FNDC3A: variants seen among roughly 807,000 people sequenced by gnomAD.
FNDC3A encodes the protein fibronectin type III domain containing 3A.
A neutral mutation model predicts 148.9 loss-of-function variants in FNDC3A; 32 were observed. The observed-to-expected ratio is 0.21, with a 90% CI of 0.16 to 0.29. The LOEUF (loss-of-function observed/expected upper bound fraction) is 0.29. FNDC3A is among the 10% of genes least tolerant of loss of function. The pLI, the probability that FNDC3A is intolerant of heterozygous loss-of-function variation, is 1.00. For synonymous variants in FNDC3A, 472 were observed against 473.6 expected (o/e 1.00, Z 0.04); for missense variants, 1,191 against 1,452.8 (o/e 0.82, Z 2.93).
intron 7 of FNDC3A, among the ~76,000 whole-genome samples, chr13:49,145,125 G>A (rs1350122218): frequency 6.6e-6 from 1 of 151,952 alleles, no homozygotes; most frequent in East Asian, 1.9e-4. Flanking sequence ...AAAAATTCCT[G>A]GATGTAGAAT....
chr13:49,067,282 G>T (rs577723166), intron 2 of FNDC3A, among the ~76,000 whole-genome samples: 1 of 152,072 alleles, frequency 6.6e-6, no homozygotes, highest in Non-Finnish European at 1.5e-5. Context: ...TCTCTGATTT[G>T]TCTATCAACT....
intron 2 of FNDC3A, among the ~76,000 whole-genome samples, chr13:49,009,306 TC>T (rs1332125503): frequency 6.6e-6 from 1 of 152,212 alleles, no homozygotes; most frequent in Non-Finnish European, 1.5e-5. Flanking sequence ...CATTTCTTTT[TC>T]ATTATTGAAT....
At chr13:49,021,627 T>C (rs1001115914) in intron 2 of FNDC3A, among the ~76,000 whole-genome samples, 1 of 152,206 alleles carries the variant, frequency 6.6e-6, no homozygotes, top group Non-Finnish European at 1.5e-5. Flanking sequence ...CAAAGCTCAC[T>C]GTCCATATCA....
intron 5 of FNDC3A, among the ~76,000 whole-genome samples, chr13:49,133,189 GA>G (rs1307283022): frequency 1.3e-5 from 2 of 152,164 alleles, no homozygotes; most frequent in Non-Finnish European, 2.9e-5. Flanking sequence ...GCCCCTAGGA[GA>G]TGTTCATGCT....
chr13:49,146,373 T>C (rs189538920), intron 8 of FNDC3A: 226 of 154,962 alleles, frequency 1.5e-3, no homozygotes, highest in Non-Finnish European at 2.2e-3. Flanking sequence ...AGCACTGTTA[T>C]TTATTTGCAT....
At chr13:49,153,403 G>A (rs1417751384) in intron 8 of FNDC3A, among the ~76,000 whole-genome samples, 4 of 151,958 alleles carry the variant, frequency 2.6e-5, no homozygotes, top group Non-Finnish European at 4.4e-5. Context: ...AGTTCATTGT[G>A]GATTCTGGAT....
At chr13:49,112,207 A>C (rs977247226) in intron 3 of FNDC3A, among the ~76,000 whole-genome samples, 1 of 152,238 alleles carries the variant, frequency 6.6e-6, no homozygotes, top group Non-Finnish European at 1.5e-5. Flanking sequence ...CTTTATTAAC[A>C]TTATAAAATA....
chr13:49,020,598 A>G (rs1873247648), intron 2 of FNDC3A, among the ~76,000 whole-genome samples: 1 of 152,216 alleles, frequency 6.6e-6, no homozygotes, highest in Non-Finnish European at 1.5e-5. Flanking sequence ...ATCCTGGTGA[A>G]CTACTTGCTG....
At chr13:49,159,978 A>G (rs7323511) in intron 8 of FNDC3A, among the ~76,000 whole-genome samples, 151,731 of 152,248 alleles carry the variant, frequency 1, 75,611 homozygotes, top group Middle Eastern at 1. Context: ...CAACTTGATC[A>G]TGGTGGATAA....
intron 2 of FNDC3A, among the ~76,000 whole-genome samples, chr13:49,039,888 A>G (rs1282896150): frequency 1.3e-5 from 2 of 151,872 alleles, no homozygotes; most frequent in Non-Finnish European, 2.9e-5. Context: ...CTAATTTTGT[A>G]ATTTTGGTAA....
At chr13:49,187,309 A>G in intron 16 of FNDC3A, 119 bp downstream of exon 16, 1 of 919,340 alleles carries the variant, frequency 1.1e-6, no homozygotes, top group Non-Finnish European at 1.7e-6. Flanking sequence ...GGTACACCAT[A>G]AAAAGATGTT....
chr13:49,069,089 T>C (rs1331618186), intron 2 of FNDC3A, among the ~76,000 whole-genome samples: 1 of 152,176 alleles, frequency 6.6e-6, no homozygotes, highest in Non-Finnish European at 1.5e-5. Context: ...GAAAATACTC[T>C]ACATGGTTAA....
rs1874335721 is a variant in FNDC3A at position 49,034,232 on chromosome 13, T to C, written c.99+27943T>C. Reference sequence around the variant, plus strand: ...TGTGAAATTATAAATCTGGAAATTTTCAGAAGCTGTATTATGAAGAAAGCT... The same window carrying C: ...TGTGAAATTATAAATCTGGAAATTTCCAGAAGCTGTATTATGAAGAAAGCT... On this transcript the variant is annotated intron_variant, in intron 2 of 25. Transcript: ENST00000492622. Among the ~76,000 whole-genome samples the C allele has an allele frequency of 2.0e-5, 3 of 152,168 alleles. No homozygotes were observed. The South Asian group carries it at 6.2e-4, about 31-fold the overall frequency.
In FNDC3A at chr13:49,090,112, GC is replaced by G. The variant is rs1418358419; in HGVS notation, c.175+14751del. 3.3e-5 allele frequency among the ~76,000 whole-genome samples: 5 copies of G among 152,204 alleles called. No individual in the cohort carries two copies. The South Asian group carries it at 1.0e-3, about 32-fold the overall frequency. On this transcript the variant is annotated intron_variant, in intron 3 of 25. Transcript: ENST00000492622. ...GAGAAGAAAAAGAGATGAGAAATTTGCCCACTTTCTTTAAGAACATATCCCA... is the reference window on the plus strand; with the variant it reads ...GAGAAGAAAAAGAGATGAGAAATTTGCCACTTTCTTTAAGAACATATCCCA...
chr13:49,190,856 C>G (rs1885848659), intron 17 of FNDC3A, among the ~76,000 whole-genome samples, 159 bp from the exon 18 acceptor site: 1 of 152,054 alleles, frequency 6.6e-6, no homozygotes, highest in Non-Finnish European at 1.5e-5. Context: ...ATTGGGTTTT[C>G]ATTTTTTTTC....
At chr13:49,187,713 G>T in intron 16 of FNDC3A, 1 of 1,378,870 alleles carries the variant, frequency 7.3e-7, no homozygotes, top group Non-Finnish European at 1.0e-6. Flanking sequence ...AACCGAGGAC[G>T]GATGAAATGG....
intron 2 of FNDC3A, among the ~76,000 whole-genome samples, chr13:49,020,760 G>A (rs1873265072): frequency 6.6e-6 from 1 of 152,190 alleles, no homozygotes; most frequent in African/African-American, 2.4e-5. Flanking sequence ...CTTCATAACA[G>A]TTCTTAGAAG....
chr13:49,065,062 A>T (rs1383035949), intron 2 of FNDC3A, among the ~76,000 whole-genome samples: 1 of 152,242 alleles, frequency 6.6e-6, no homozygotes, highest in Non-Finnish European at 1.5e-5. Flanking sequence ...TAGTGCGTCA[A>T]ATCAGCAAAC....
At chr13:49,160,165 A>G (rs572096476) in intron 8 of FNDC3A, among the ~76,000 whole-genome samples, 5 of 152,114 alleles carry the variant, frequency 3.3e-5, no homozygotes, top group African/African-American at 4.8e-5. Context: ...CTCTTTTTCT[A>G]TTGATTGGAA....
Sources: allele counts gnomAD v4.1 joint callset (sites outside exome capture counted in the v4.1 genomes callset), GRCh38; gene constraint gnomAD v4.1.1; transcripts MANE v1.5; gene names NCBI Gene and HGNC (gene_info 2026-07-23, HGNC 2026-07-21).